NEK9: variants seen among roughly 807,000 people sequenced by gnomAD.
NEK9 encodes NIMA related kinase 9, also known as serine/threonine-protein kinase Nek9.
In NEK9, 75 loss-of-function variants were observed where a neutral mutation model predicts 123.4. That is an observed-to-expected ratio of 0.61 (90% CI 0.50 to 0.74). The LOEUF is 0.74. Among genes scored for constraint, NEK9 ranks in the 30% least tolerant of loss-of-function variants. The pLI is 0.00. For synonymous variants in NEK9, 438 were observed against 458.7 expected (o/e 0.95, Z 0.58); for missense variants, 952 against 1,214.4 (o/e 0.78, Z 3.21).
chr14:75,098,540 A>G (rs1477060334), intron 16 of NEK9, among the ~76,000 whole-genome samples: 1 of 152,184 alleles, frequency 6.6e-6, no homozygotes, highest in Non-Finnish European at 1.5e-5. Context: ...CTTTGGAGAG[A>G]CAAGTGAGCC....
At chr14:75,122,411 A>G (rs1293340045) in intron 2 of NEK9, among the ~76,000 whole-genome samples, 1 of 152,356 alleles carries the variant, frequency 6.6e-6, no homozygotes, top group Non-Finnish European at 1.5e-5. Context: ...CTCCTGTGCA[A>G]TAAGATGATT....
intron 14 of NEK9, among the ~76,000 whole-genome samples, chr14:75,101,978 T>C (rs1317068663): frequency 3.3e-5 from 5 of 152,230 alleles, no homozygotes; most frequent in Admixed American, 6.5e-5. Flanking sequence ...GAGGCAGAAC[T>C]TTCTGACAAC....
rs567567746 is a variant in NEK9 at position 75,084,774 on chromosome 14, T to C, written c.2818-88A>G. 120 of 1,541,036 alleles carry C rather than the reference T, an allele frequency of 7.8e-5. 1 individual carries two copies. In the South Asian group the frequency reaches 1.2e-3, roughly 15 times the overall value. ...GTACTATATTTTCAATGCCAACTTCTAAGGCATTGGCTAAGGCGTGGCTAA... is the reference window on the plus strand; with the variant it reads ...GTACTATATTTTCAATGCCAACTTCCAAGGCATTGGCTAAGGCGTGGCTAA... On this transcript the variant is annotated intron_variant, in intron 21 of 21. Coordinates refer to ENST00000238616, the MANE Select transcript of NEK9 (RefSeq NM_033116.6).
chr14:75,104,034 T>C (rs764676089), intron 13 of NEK9, 37 bp from the exon 14 acceptor site: 63 of 1,567,722 alleles, frequency 4.0e-5, no homozygotes, highest in Non-Finnish European at 5.3e-5. Flanking sequence ...ATCCCAAATA[T>C]ATAATTCGTA....
intron 16 of NEK9, among the ~76,000 whole-genome samples, chr14:75,098,936 C>T (rs1894473979): frequency 6.6e-6 from 1 of 152,168 alleles, no homozygotes; most frequent in South Asian, 2.1e-4. Flanking sequence ...TGTAACGTTT[C>T]CATTTATCCA....
Position 75,079,881 on chromosome 14 carries a change from G to A in NEK9, c.*4683C>T, listed in dbSNP as rs1053034409. The A allele has an allele frequency of 6.6e-6, 1 of 152,144 alleles. No individual in the cohort carries two copies. Among genetic ancestry groups the A allele is most frequent in the Non-Finnish European group, 1.5e-5 (1 of 68,030 alleles). 9.4% of individuals were successfully genotyped at this position (152,144 alleles called of 1,614,324 possible). A position where few individuals can be genotyped will look rare whatever the true frequency, so the allele number is the denominator to read the frequency against. On this transcript the variant is annotated 3_prime_UTR_variant, in exon 22 of 22. Transcript: ENST00000238616. ...TGGATGTTAGTAAGGTCATAGATCC[G>A]GGCCCTCCAGAGAGAACAAATTGTT...
intron 18 of NEK9, among the ~76,000 whole-genome samples, chr14:75,094,858 A>G (rs1342478490): frequency 6.6e-6 from 1 of 152,222 alleles, no homozygotes; most frequent in Non-Finnish European, 1.5e-5. Flanking sequence ...GCAGGTAGAA[A>G]ACCAAAAAGG....
rs761939579 is a variant in NEK9, at chr14:75,107,488, C to G, written c.1183-1G>C. On this transcript the variant is annotated splice_acceptor_variant, in intron 10 of 21. Coordinates refer to ENST00000238616, the MANE Select transcript of NEK9 (RefSeq NM_033116.6). LOFTEE classifies it high-confidence loss of function. Reference sequence around the variant, plus strand: ...GGAGTTTAGTGCCTCCTTGCATGTTCTGTGAAATAAAGAGGTCTTATGACT... The same window carrying G: ...GGAGTTTAGTGCCTCCTTGCATGTTGTGTGAAATAAAGAGGTCTTATGACT... 6.3e-7 allele frequency: 1 copy of G among 1,588,110 alleles called. No homozygotes were observed. The highest frequency in any genetic ancestry group is 1.4e-5 in the African/African-American group (1 of 73,056).
intron 21 of NEK9, 153 bp downstream of exon 21, chr14:75,086,865 C>G (rs1894041109): frequency 1.4e-6 from 1 of 728,130 alleles, no homozygotes; most frequent in Non-Finnish European, 2.3e-6. Context: ...AAGATAGCAC[C>G]ACTGCACTCT....
At chr14:75,119,014 A>G in intron 4 of NEK9, 79 bp from the exon 5 acceptor site, 1 of 840,942 alleles carries the variant, frequency 1.2e-6, no homozygotes, top group Admixed American at 2.0e-5. Flanking sequence ...CAGGATTATT[A>G]CAGAATAAAA....
At chr14:75,095,095 A>C (rs1894338999) in intron 18 of NEK9, among the ~76,000 whole-genome samples, 1 of 152,238 alleles carries the variant, frequency 6.6e-6, no homozygotes, top group Non-Finnish European at 1.5e-5. Flanking sequence ...TAGTAAGGAA[A>C]GGAATAATAC....
intron 2 of NEK9, among the ~76,000 whole-genome samples, chr14:75,123,711 C>T (rs1472047225): frequency 1.3e-5 from 2 of 152,122 alleles, no homozygotes; most frequent in African/African-American, 4.8e-5. Flanking sequence ...TTATTAAATA[C>T]TGTATCAAGT....
chr14:75,118,730 T>C (rs1895222083), intron 5 of NEK9, 100 bp downstream of exon 5: 4 of 731,716 alleles, frequency 5.5e-6, no homozygotes, highest in African/African-American at 1.8e-5. Context: ...TATGGAGAAC[T>C]TGCAAGAATA....
chr14:75,102,948 A>C (rs1218875999), intron 14 of NEK9, among the ~76,000 whole-genome samples: 1 of 152,166 alleles, frequency 6.6e-6, no homozygotes, highest in Non-Finnish European at 1.5e-5. Flanking sequence ...CAAGGACAAA[A>C]AATCAAACAC....
chr14:75,107,264 T>C (rs1047250632), intron 11 of NEK9, 79 bp downstream of exon 11: 13 of 1,443,232 alleles, frequency 9.0e-6, no homozygotes, highest in South Asian at 1.3e-5. Context: ...TGTTTTAAAA[T>C]CCCAACTAAG....
chr14:75,107,809 G>A (rs962899825), intron 10 of NEK9, among the ~76,000 whole-genome samples: 4 of 152,128 alleles, frequency 2.6e-5, no homozygotes, highest in African/African-American at 9.7e-5. Flanking sequence ...CATTTTAATA[G>A]CAAGTAGTAT....
chr14:75,104,486 TTC>T, intron 13 of NEK9, among the ~76,000 whole-genome samples: 1 of 112,086 alleles, frequency 8.9e-6, no homozygotes, highest in African/African-American at 2.9e-5. Flanking sequence ...TTTTCTTTTC[TTC>T]TTTTTTTTTT....
chr14:75,123,736 C>G (rs1277727929), intron 2 of NEK9, among the ~76,000 whole-genome samples: 1 of 152,134 alleles, frequency 6.6e-6, no homozygotes, highest in Non-Finnish European at 1.5e-5. Flanking sequence ...CCAAGCCACA[C>G]TCTGGTTAAC....
At chr14:75,106,318 C>G (rs1346061867) in intron 12 of NEK9, 184 bp downstream of exon 12, 4 of 594,376 alleles carry the variant, frequency 6.7e-6, no homozygotes, top group Non-Finnish European at 1.1e-5. Context: ...CAGATCATGC[C>G]ATTGCACTCC....
Sources: gnomAD v4.1 joint callset for allele counts (sites outside exome capture counted in the v4.1 genomes callset) on GRCh38, gnomAD v4.1.1 for gene constraint, MANE v1.5 for transcripts, NCBI Gene and HGNC (gene_info 2026-07-23, HGNC 2026-07-21) for gene names.